ABCC4: variants seen among roughly 807,000 people sequenced by gnomAD.
ABCC4 encodes the protein ATP binding cassette subfamily C member 4 (PEL blood group).
A neutral mutation model predicts 168.5 loss-of-function variants in ABCC4; 102 were observed. That is an observed-to-expected ratio of 0.61 (90% CI 0.52 to 0.71). ABCC4 has a LOEUF of 0.71. Among genes scored for constraint, ABCC4 ranks in the 30% least tolerant of loss-of-function variants. ABCC4 has a pLI of 0.00. For missense variants in ABCC4, 1,402 were observed against 1,605.8 expected (o/e 0.87, Z 2.17); for synonymous variants, 617 against 590.7 (o/e 1.04, Z -0.65).
At chr13:95,244,207 T>C (rs1325361870) in intron 3 of ABCC4, among the ~76,000 whole-genome samples, 4 of 152,132 alleles carry the variant, frequency 2.6e-5, no homozygotes, top group Non-Finnish European at 5.9e-5. Context: ...CTCCTGAGAC[T>C]GAATCTGGGC....
chr13:95,070,204 A>ATTGC (rs2033679180), intron 25 of ABCC4, among the ~76,000 whole-genome samples: 1 of 152,270 alleles, frequency 6.6e-6, no homozygotes, highest in Admixed American at 6.5e-5. Context: ...GGAATGTGAC[A>ATTGC]TTGCACTCCA....
intron 1 of ABCC4, among the ~76,000 whole-genome samples, chr13:95,257,598 G>A (rs1414459329): frequency 6.6e-6 from 1 of 151,642 alleles, no homozygotes; most frequent in Admixed American, 6.6e-5. Context: ...AGGAGGCAGA[G>A]GTTGCAGTGA....
In ABCC4 at chr13:95,063,101, A is replaced by G. The variant is rs568917762; in HGVS notation, c.3211-242T>C. The stretch of plus-strand genomic sequence containing the variant: ...CATCCCTGGACCCTACTGCATAGAT[A>G]CCAGGAGCACACTCCCAAAATGATA... On this transcript the variant is annotated intron_variant, in intron 25 of 30. Transcript: ENST00000645237. 2.0e-5 allele frequency among the ~76,000 whole-genome samples: 3 copies of G among 152,294 alleles called. No homozygotes were observed. The South Asian group carries it at 6.2e-4, about 32-fold the overall frequency.
intron 29 of ABCC4, among the ~76,000 whole-genome samples, chr13:95,043,141 T>C (rs557052883): frequency 1.3e-5 from 2 of 152,214 alleles, no homozygotes; most frequent in East Asian, 1.9e-4. Flanking sequence ...AAATTTCCTA[T>C]GTTAAATCCT....
chr13:95,272,743 C>T (rs2040876037), intron 1 of ABCC4, among the ~76,000 whole-genome samples: 1 of 151,496 alleles, frequency 6.6e-6, no homozygotes. Flanking sequence ...CAAAAATTAG[C>T]CAGGTGTGGT....
chr13:95,300,029 A>T (rs1436173130), intron 1 of ABCC4, among the ~76,000 whole-genome samples: 1 of 152,158 alleles, frequency 6.6e-6, no homozygotes, highest in Non-Finnish European at 1.5e-5. Flanking sequence ...TTTAGTAGAG[A>T]CGGGGTTTCA....
At chr13:95,040,740 C>T (rs2032321141) in intron 29 of ABCC4, among the ~76,000 whole-genome samples, 1 of 152,108 alleles carries the variant, frequency 6.6e-6, no homozygotes, top group Non-Finnish European at 1.5e-5. Flanking sequence ...TGTGTTTCTC[C>T]AGCTGGTTCT....
intron 27 of ABCC4, among the ~76,000 whole-genome samples, chr13:95,047,884 C>A (rs942668996): frequency 6.6e-6 from 1 of 152,138 alleles, no homozygotes; most frequent in African/African-American, 2.4e-5. Flanking sequence ...TATGCATTTT[C>A]TTATTTTCTA....
intron 8 of ABCC4, among the ~76,000 whole-genome samples, chr13:95,196,640 GGAA>G (rs2038442259): frequency 1.3e-4 from 1 of 7,896 alleles, no homozygotes; most frequent in African/African-American, 5.4e-4. Flanking sequence ...AAGGAAGGAA[GGAA>G]GGAAGGAAGG....
chr13:95,030,820 G>C (rs1189359181), intron 30 of ABCC4, among the ~76,000 whole-genome samples: 3 of 152,182 alleles, frequency 2.0e-5, no homozygotes, highest in African/African-American at 7.2e-5. Context: ...ATGGCAGCCT[G>C]AGCAAACCAG....
chr13:95,273,534 G>A (rs997770537), intron 1 of ABCC4, among the ~76,000 whole-genome samples: 1 of 152,200 alleles, frequency 6.6e-6, no homozygotes, highest in Non-Finnish European at 1.5e-5. Flanking sequence ...AAGGCCAGGT[G>A]CATTGCCTTC....
In ABCC4 at chr13:95,218,942, A is replaced by AAAG. The variant is rs1491258315; in HGVS notation, c.532-8164_532-8162dup. ...GAGAAAGAAAGAGAAAGAAAGAAAG[A>AAAG]AAGAAAGAAAGAAAGAAAGAAAGAA... On this transcript the variant is annotated intron_variant, in intron 4 of 30. Transcript: ENST00000645237. 9.3e-5 allele frequency among the ~76,000 whole-genome samples: 3 copies of AAAG among 32,176 alleles called. 1 individual carries two copies. Among genetic ancestry groups the AAAG allele is most frequent in the Non-Finnish European group, 2.2e-4 (3 of 13,900 alleles). The allele number at this position is 32,176 out of a possible 152,430, so 21.1% of individuals were successfully genotyped here. A position where few individuals can be genotyped will look rare whatever the true frequency, so the allele number is the denominator to read the frequency against.
At chr13:95,262,256 G>A (rs536875047) in intron 1 of ABCC4, among the ~76,000 whole-genome samples, 15 of 152,204 alleles carry the variant, frequency 9.9e-5, no homozygotes, top group Non-Finnish European at 1.8e-4. Flanking sequence ...AGAAGTCAAC[G>A]TGTTGAGGAC....
chr13:95,181,299 C>T (rs748614176), intron 11 of ABCC4, among the ~76,000 whole-genome samples: 30 of 152,370 alleles, frequency 2.0e-4, no homozygotes, highest in Non-Finnish European at 3.1e-4. Flanking sequence ...AGGGGCCAGG[C>T]CTGAGGCCCC....
chr13:95,214,715 G>A (rs1436758701), intron 4 of ABCC4, among the ~76,000 whole-genome samples: 2 of 151,684 alleles, frequency 1.3e-5, no homozygotes, highest in African/African-American at 4.8e-5. Flanking sequence ...GTGAGACCCC[G>A]CCTCTACTAA....
chr13:95,140,741 C>T (rs889140996), intron 19 of ABCC4, among the ~76,000 whole-genome samples: 5 of 152,146 alleles, frequency 3.3e-5, no homozygotes, highest in Admixed American at 2.6e-4. Flanking sequence ...TAGTATCTAT[C>T]GATTTCTATG....
At chr13:95,123,867 G>C (rs3782956) in intron 19 of ABCC4, among the ~76,000 whole-genome samples, 14,470 of 152,140 alleles carry the variant, frequency 0.095, 949 homozygotes, top group Middle Eastern at 0.14. Flanking sequence ...AGGGTGAGGC[G>C]GGGTCAGCCC....
intron 1 of ABCC4, among the ~76,000 whole-genome samples, chr13:95,270,266 A>G (rs1471587050): frequency 6.6e-6 from 1 of 152,022 alleles, no homozygotes; most frequent in Non-Finnish European, 1.5e-5. Context: ...GGGAAGGGGA[A>G]GAGAAAAAAT....
chr13:95,223,385 G>C (rs2039358482), intron 4 of ABCC4, among the ~76,000 whole-genome samples: 2 of 142,024 alleles, frequency 1.4e-5, no homozygotes, highest in African/African-American at 2.6e-5. Flanking sequence ...ACACACATTG[G>C]ATTTTAAGAT....
Sources: gnomAD v4.1 joint callset for allele counts (sites outside exome capture counted in the v4.1 genomes callset) on GRCh38, gnomAD v4.1.1 for gene constraint, MANE v1.5 for transcripts, NCBI Gene and HGNC (gene_info 2026-07-23, HGNC 2026-07-21) for gene names.